Variants in HS6ST2 observed in about 807,000 individuals in gnomAD.
HS6ST2 encodes heparan-sulfate 6-O-sulfotransferase 2.
Under a neutral mutation model 33.0 loss-of-function variants are expected in HS6ST2, and 17 were observed. The ratio of observed to expected loss-of-function variants is 0.52; its 90% CI spans 0.35 to 0.77. HS6ST2 has a LOEUF of 0.77. HS6ST2 is among the 30% of genes least tolerant of loss of function. HS6ST2 has a pLI of 0.01. For missense variants in HS6ST2, 519 were observed against 551.7 expected, an observed-to-expected ratio of 0.94 and a Z score of 0.59; for synonymous variants, 248 against 237.1, an observed-to-expected ratio of 1.05 and a Z score of -0.42.
chrX:132,691,047 A>G (rs2064059960), intron 3 of HS6ST2, among the ~76,000 whole-genome samples: 1 of 112,062 alleles, frequency 8.9e-6, no homozygotes, highest in East Asian at 2.8e-4. Context: ...AATTTTTGTG[A>G]AAGAGGCAAT....
At chrX:132,933,571 A>G (rs1389130326) in intron 2 of HS6ST2, among the ~76,000 whole-genome samples, 2 of 111,756 alleles carry the variant, frequency 1.8e-5, no homozygotes, top group African/African-American at 3.3e-5. Context: ...TTAATGGCTA[A>G]TACTTTCTCT....
intron 3 of HS6ST2, among the ~76,000 whole-genome samples, chrX:132,702,565 C>T (rs981763168): frequency 1.8e-5 from 2 of 111,496 alleles, no homozygotes; most frequent in African/African-American, 6.5e-5. Flanking sequence ...GAATGCATAC[C>T]GAGTCCAGGA....
rs1245621651 is a variant in HS6ST2, at chrX:132,877,858, C to T, written c.947+78950G>A. ...ACTAACAGTGATAAACCCATAAATT[C>T]TATTGTATGGAAAGGGGAGACAGGA... On this transcript the variant is annotated intron_variant, in intron 2 of 4. Transcript: ENST00000370833. 2.7e-5 allele frequency among the ~76,000 whole-genome samples: 3 copies of T among 110,420 alleles called. No individual in the cohort carries two copies. In the Admixed American group the frequency reaches 2.9e-4, roughly 11 times the overall value.
intron 3 of HS6ST2, among the ~76,000 whole-genome samples, chrX:132,670,537 T>C (rs1301469432): frequency 7.1e-5 from 8 of 112,170 alleles, no homozygotes; most frequent in Non-Finnish European, 1.5e-4. Context: ...CGGTGGCTCA[T>C]GCCTGTAATC....
chrX:132,893,073 A>G (rs1489765461), intron 2 of HS6ST2, among the ~76,000 whole-genome samples: 3 of 112,221 alleles, frequency 2.7e-5, no homozygotes, highest in Non-Finnish European at 5.6e-5. Context: ...TGTGGAACCC[A>G]CGGATATAGA....
At chrX:132,697,890 C>T (rs2064114783) in intron 3 of HS6ST2, among the ~76,000 whole-genome samples, 1 of 111,986 alleles carries the variant, frequency 8.9e-6, no homozygotes, top group African/African-American at 3.2e-5. Flanking sequence ...CTTCTCAAGA[C>T]AGGGAGCTAA....
chrX:132,651,121 T>C (rs1211369582), intron 4 of HS6ST2, among the ~76,000 whole-genome samples: 1 of 112,067 alleles, frequency 8.9e-6, no homozygotes, highest in African/African-American at 3.2e-5. Flanking sequence ...CCTACCATTG[T>C]AGGAATTCCT....
chrX:132,928,320 C>G (rs1345978707), intron 2 of HS6ST2, among the ~76,000 whole-genome samples: 1 of 110,254 alleles, frequency 9.1e-6, no homozygotes, highest in Non-Finnish European at 1.9e-5. Flanking sequence ...CCATGTTGGT[C>G]AGGCTGGTCT....
At chrX:132,901,647 A>G (rs1472482619) in intron 2 of HS6ST2, among the ~76,000 whole-genome samples, 1 of 111,761 alleles carries the variant, frequency 8.9e-6, no homozygotes, top group Non-Finnish European at 1.9e-5. Flanking sequence ...AATTCTAGGT[A>G]TGGTACCCAA....
At chrX:132,803,162 T>C (rs1274637924) in intron 2 of HS6ST2, among the ~76,000 whole-genome samples, 1 of 111,729 alleles carries the variant, frequency 9.0e-6, no homozygotes, top group Non-Finnish European at 1.9e-5. Flanking sequence ...TCTCCTTTGT[T>C]TGCCCCTTAT....
chrX:132,953,975 A>G (rs1269067928), intron 2 of HS6ST2, among the ~76,000 whole-genome samples: 1 of 112,153 alleles, frequency 8.9e-6, no homozygotes, highest in Non-Finnish European at 1.9e-5. Flanking sequence ...AGTCAGACAG[A>G]AGTGCAGTCA....
At chrX:132,884,852 A>G (rs1246108232) in intron 2 of HS6ST2, among the ~76,000 whole-genome samples, 1 of 111,531 alleles carries the variant, frequency 9.0e-6, no homozygotes, top group Non-Finnish European at 1.9e-5. Context: ...ATGAGGAGTG[A>G]TATTGTTGGA....
intron 2 of HS6ST2, among the ~76,000 whole-genome samples, chrX:132,794,731 T>C (rs1027821600): frequency 1.8e-5 from 2 of 111,398 alleles, no homozygotes; most frequent in Non-Finnish European, 3.8e-5. Flanking sequence ...GGCCCTCATT[T>C]AATCTTTGCA....
intron 3 of HS6ST2, among the ~76,000 whole-genome samples, chrX:132,687,995 C>A (rs189551791): frequency 8.9e-6 from 1 of 112,137 alleles, no homozygotes; most frequent in African/African-American, 3.2e-5. Flanking sequence ...GTGATCCACC[C>A]GCCTCGGCCT....
intron 2 of HS6ST2, among the ~76,000 whole-genome samples, chrX:132,830,991 C>T (rs906839982): frequency 9.0e-6 from 1 of 111,587 alleles, no homozygotes; most frequent in African/African-American, 3.3e-5. Flanking sequence ...GTGAAGGGGG[C>T]GACAGGGAAG....
At chrX:132,807,845 C>A (rs1460928514) in intron 2 of HS6ST2, among the ~76,000 whole-genome samples, 1 of 112,022 alleles carries the variant, frequency 8.9e-6, no homozygotes. Context: ...AGGGTCATGT[C>A]ACAGCTGAGA....
At chrX:132,910,053 G>T (rs2066517634) in intron 2 of HS6ST2, among the ~76,000 whole-genome samples, 1 of 111,455 alleles carries the variant, frequency 9.0e-6, no homozygotes, top group African/African-American at 3.3e-5. Flanking sequence ...TGATCATTGA[G>T]CATAAATTTC....
At chrX:132,809,145 C>T (rs774819771) in intron 2 of HS6ST2, among the ~76,000 whole-genome samples, 1 of 111,487 alleles carries the variant, frequency 9.0e-6, no homozygotes, top group Non-Finnish European at 1.9e-5. Context: ...TGTGCTACCA[C>T]GCCTGGCTAA....
At chrX:132,677,493 T>C (rs1360338443) in intron 3 of HS6ST2, among the ~76,000 whole-genome samples, 1 of 112,381 alleles carries the variant, frequency 8.9e-6, no homozygotes, top group African/African-American at 3.2e-5. Flanking sequence ...ACACTTGCCA[T>C]ATACAAGGTT....
Sources: allele counts gnomAD v4.1 joint callset (sites outside exome capture counted in the v4.1 genomes callset), GRCh38; gene constraint gnomAD v4.1.1; transcripts MANE v1.5; gene names NCBI Gene and HGNC (gene_info 2026-07-23, HGNC 2026-07-21).